Variants in SLC28A3 observed in about 807,000 individuals in gnomAD.
The protein encoded by SLC28A3 is concentrative Na(+)-nucleoside cotransporter 3.
Under a neutral mutation model 84.2 loss-of-function variants are expected in SLC28A3, and 68 were observed. The observed-to-expected ratio is 0.81, with a 90% confidence interval of 0.66 to 0.99. The LOEUF is 0.99. SLC28A3 is among the 50% of genes least tolerant of loss of function. The pLI, the probability that SLC28A3 is intolerant of heterozygous loss-of-function variation, is 0.00. For synonymous variants in SLC28A3, 267 were observed against 303.6 expected, an observed-to-expected ratio of 0.88 and a Z score of 1.25; for missense variants, 712 against 841.5, an observed-to-expected ratio of 0.85 and a Z score of 1.90.
intron 12 of SLC28A3, among the ~76,000 whole-genome samples, chr9:84,286,595 A>C (rs1825000570): frequency 6.6e-6 from 1 of 152,058 alleles, no homozygotes; most frequent in African/African-American, 2.4e-5. Flanking sequence ...GACATTTATA[A>C]TAAAAAATTG....
intron 12 of SLC28A3, 131 bp from the exon 13 acceptor site, chr9:84,286,242 T>A: frequency 1.3e-6 from 1 of 759,476 alleles, no homozygotes; most frequent in Non-Finnish European, 2.1e-6. Context: ...CTCAAAATAC[T>A]CACCTGAATC....
the SLC28A3 span, among the ~76,000 whole-genome samples, chr9:84,346,772 G>T: frequency 6.6e-6 from 1 of 152,082 alleles, no homozygotes; most frequent in African/African-American, 2.4e-5. Flanking sequence ...ACCAGGAAAG[G>T]CCAGCCAGAG....
chr9:84,314,573 G>A (rs1476038339), intron 1 of SLC28A3, among the ~76,000 whole-genome samples: 1 of 150,906 alleles, frequency 6.6e-6, no homozygotes, highest in African/African-American at 2.5e-5. Context: ...TCTACTTACT[G>A]AAACACAAGA....
chr9:84,285,599 C>T (rs1463772166), intron 13 of SLC28A3, 57 bp from the exon 14 acceptor site: 1 of 1,580,324 alleles, frequency 6.3e-7, no homozygotes, highest in Admixed American at 1.7e-5. Context: ...TCAGTTTTGC[C>T]TCCTCAGTGA....
chr9:84,290,021 G>T, intron 11 of SLC28A3, 133 bp downstream of exon 11: 1 of 1,219,450 alleles, frequency 8.2e-7, no homozygotes, highest in Non-Finnish European at 1.1e-6. Context: ...AAGCAACTGT[G>T]ACCAACTTTT....
At chr9:84,325,222 G>A (rs1259159031) in intron 1 of SLC28A3, among the ~76,000 whole-genome samples, 1 of 151,848 alleles carries the variant, frequency 6.6e-6, no homozygotes, top group Non-Finnish European at 1.5e-5. Context: ...ATGGAGTCCT[G>A]TCTTGGAATC....
chr9:84,343,192 A>G (rs1405392716), upstream of SLC28A3, among the ~76,000 whole-genome samples: 2 of 151,814 alleles, frequency 1.3e-5, no homozygotes, highest in African/African-American at 2.4e-5. Flanking sequence ...TCAAAAAAAA[A>G]ACAAAAGACA....
chr9:84,316,999 TCAAAA>T (rs1392954784), intron 1 of SLC28A3, among the ~76,000 whole-genome samples: 2 of 112,138 alleles, frequency 1.8e-5, no homozygotes, highest in Middle Eastern at 3.4e-3. Context: ...AGACTCCGTC[TCAAAA>T]CAACAACAAC....
chr9:84,367,620 T>C, the SLC28A3 span, among the ~76,000 whole-genome samples: 1 of 152,244 alleles, frequency 6.6e-6, no homozygotes, highest in East Asian at 1.9e-4. Context: ...TCCCTCAGTA[T>C]TTATTGATTT....
At chr9:84,348,284 G>A in the SLC28A3 span, among the ~76,000 whole-genome samples, 2 of 151,404 alleles carry the variant, frequency 1.3e-5, no homozygotes, top group Admixed American at 6.6e-5. Context: ...AACCTGGGAG[G>A]TGGGGGCTGC....
At chr9:84,285,846 C>A in intron 13 of SLC28A3, 97 bp downstream of exon 13, 1 of 1,363,990 alleles carries the variant, frequency 7.3e-7, no homozygotes, top group South Asian at 1.5e-5. Flanking sequence ...GTGGAAGAGT[C>A]TACTGAGGTT....
chr9:84,348,391 A>G, the SLC28A3 span, among the ~76,000 whole-genome samples: 1 of 150,592 alleles, frequency 6.6e-6, no homozygotes, highest in Admixed American at 6.6e-5. Context: ...CTGAACTTAG[A>G]TTAGCTTCCA....
chr9:84,281,597 G>T (rs921392840), intron 14 of SLC28A3, among the ~76,000 whole-genome samples: 3 of 152,160 alleles, frequency 2.0e-5, no homozygotes, highest in Non-Finnish European at 2.9e-5. Context: ...AAGTTTACTT[G>T]CTCTGCCTGA....
intron 1 of SLC28A3, among the ~76,000 whole-genome samples, chr9:84,316,188 T>G (rs113561720): frequency 2.0e-5 from 3 of 152,334 alleles, no homozygotes; most frequent in African/African-American, 7.2e-5. Flanking sequence ...AGAGGCATTT[T>G]TATTTTCTTC....
intron 2 of SLC28A3, among the ~76,000 whole-genome samples, chr9:84,312,155 G>A (rs1349303740): frequency 1.3e-5 from 2 of 152,202 alleles, no homozygotes; most frequent in Non-Finnish European, 2.9e-5. Flanking sequence ...ACTTCCAAGT[G>A]TTGGCAATTA....
intron 1 of SLC28A3, among the ~76,000 whole-genome samples, chr9:84,323,760 T>G (rs1399293034): frequency 6.6e-6 from 1 of 152,038 alleles, no homozygotes; most frequent in African/African-American, 2.4e-5. Context: ...AGTACTTGAT[T>G]TTTAACACCC....
At chr9:84,355,133 G>C in the SLC28A3 span, among the ~76,000 whole-genome samples, 1 of 152,110 alleles carries the variant, frequency 6.6e-6, no homozygotes, top group African/African-American at 2.4e-5. Flanking sequence ...ACGTCGTATG[G>C]AGCCAAATTC....
chr9:84,344,684 C>A (rs371599655), upstream of SLC28A3, among the ~76,000 whole-genome samples: 133 of 150,944 alleles, frequency 8.8e-4, no homozygotes, highest in African/African-American at 3.1e-3. Flanking sequence ...TTGGTTTCCA[C>A]AATCTTTATC....
chr9:84,348,469 T>C, the SLC28A3 span, among the ~76,000 whole-genome samples: 7 of 152,140 alleles, frequency 4.6e-5, no homozygotes, highest in African/African-American at 1.7e-4. Context: ...CCTGTAATCA[T>C]CTACTGCTGC....
Sources: gnomAD v4.1 joint callset for allele counts (sites outside exome capture counted in the v4.1 genomes callset) on GRCh38, gnomAD v4.1.1 for gene constraint, MANE v1.5 for transcripts, NCBI Gene and HGNC (gene_info 2026-07-23, HGNC 2026-07-21) for gene names.